Variants in RGS6 observed in about 807,000 individuals in gnomAD.
RGS6 encodes regulator of G-protein signaling 6.
In RGS6, 30 loss-of-function variants were observed where a neutral mutation model predicts 78.5. That is an observed-to-expected ratio of 0.38 (90% CI 0.29 to 0.52). The LOEUF is 0.52. Among genes scored for constraint, RGS6 ranks in the 20% least tolerant of loss-of-function variants. The probability of loss-of-function intolerance (pLI) is 0.85; values close to 1 mark genes in which losing one functional copy is unlikely to be tolerated. For synonymous variants in RGS6, 206 were observed against 206.0 expected, an observed-to-expected ratio of 1.00 and a Z score of 0.00; for missense variants, 495 against 609.7, an observed-to-expected ratio of 0.81 and a Z score of 1.98.
chr14:72,048,678 T>G (rs907395793), intron 2 of RGS6, among the ~76,000 whole-genome samples: 16 of 151,876 alleles, frequency 1.1e-4, no homozygotes, highest in Non-Finnish European at 2.2e-4. Context: ...AGCGACACTT[T>G]CTTTTTGCAG....
In RGS6 at chr14:72,308,774, A is replaced by G. The variant is rs77843827; in HGVS notation, c.85-43321A>G. Among the ~76,000 whole-genome samples the G allele has an allele frequency of 1.0e-2, 1,516 of 152,322 alleles. 22 individuals carry two copies. The highest frequency in any genetic ancestry group is 0.035 in the African/African-American group (1,436 of 41,566). On this transcript the variant is annotated intron_variant, in intron 2 of 17. Coordinates refer to ENST00000553525, the MANE Select transcript of RGS6 (RefSeq NM_001204424.2). Reference sequence around the variant, plus strand: ...TTGGCACTAGCCAAAAGGGGGTGCAATATTTACCTTTAAATTATTATAGAG... The same window carrying G: ...TTGGCACTAGCCAAAAGGGGGTGCAGTATTTACCTTTAAATTATTATAGAG...
At chr14:72,169,072 G>T (rs1243355766) in intron 2 of RGS6, among the ~76,000 whole-genome samples, 2 of 152,120 alleles carry the variant, frequency 1.3e-5, no homozygotes, top group East Asian at 1.9e-4. Context: ...AAGTAAAATT[G>T]TTCTGTATTG....
Position 72,537,309 on chromosome 14 carries a change from CTGTG to C in RGS6, c.1368+1037_1368+1040del, listed in dbSNP as rs565051113. On this transcript the variant is annotated intron_variant, in intron 16 of 17. Coordinates refer to ENST00000553525, the MANE Select transcript of RGS6 (RefSeq NM_001204424.2). ...CCTCTCAGCCACGCAAGCCTTCTCT[CTGTG>C]TGCTGTCACCCTCATGTGCCAGGAT... Among the ~76,000 whole-genome samples the C allele has an allele frequency of 5.9e-5, 9 of 152,364 alleles. No homozygotes were observed. The South Asian group carries it at 1.9e-3, about 32-fold the overall frequency.
chr14:72,566,589 A>G (rs2097711759), downstream of RGS6: 1 of 151,256 alleles, frequency 6.6e-6, no homozygotes, highest in South Asian at 2.1e-4. Context: ...ACCTCTAGAA[A>G]AATCGACCAC....
At chr14:72,299,003 G>A (rs1814804503) in intron 2 of RGS6, among the ~76,000 whole-genome samples, 1 of 152,042 alleles carries the variant, frequency 6.6e-6, no homozygotes, top group South Asian at 2.1e-4. Context: ...GGGTAATTTT[G>A]TTCTTTTCAG....
intron 2 of RGS6, among the ~76,000 whole-genome samples, chr14:72,201,320 C>T (rs1243550108): frequency 6.6e-6 from 1 of 152,176 alleles, no homozygotes; most frequent in African/African-American, 2.4e-5. Context: ...TGGGCACCTA[C>T]TATATGTCGA....
At chr14:72,137,108 G>A (rs2096456276) in intron 2 of RGS6, among the ~76,000 whole-genome samples, 1 of 152,106 alleles carries the variant, frequency 6.6e-6, no homozygotes, top group Admixed American at 6.5e-5. Context: ...GAAACGTGAG[G>A]AAATGTAGAG....
At chr14:72,052,362 A>G (rs1033122600) in intron 2 of RGS6, among the ~76,000 whole-genome samples, 2 of 152,236 alleles carry the variant, frequency 1.3e-5, no homozygotes, top group African/African-American at 4.8e-5. Context: ...AAGTGGTAGC[A>G]GGTCCTTACT....
intron 2 of RGS6, among the ~76,000 whole-genome samples, chr14:72,070,861 T>C (rs2094383881): frequency 6.6e-6 from 1 of 152,236 alleles, no homozygotes; most frequent in Non-Finnish European, 1.5e-5. Context: ...TATGTATGCA[T>C]GTGTATGAAT....
chr14:72,555,624 AAAGT>A (rs2153540941), intron 17 of RGS6, among the ~76,000 whole-genome samples: 1 of 152,320 alleles, frequency 6.6e-6, no homozygotes, highest in African/African-American at 2.4e-5. Context: ...AGCCATGTGC[AAAGT>A]AAGAGGGGCA....
At chr14:71,914,499 G>A in the RGS6 span, among the ~76,000 whole-genome samples, 4 of 152,152 alleles carry the variant, frequency 2.6e-5, no homozygotes, top group South Asian at 4.1e-4. Flanking sequence ...AAGAACTAAC[G>A]GATCTTAATT....
intron 2 of RGS6, among the ~76,000 whole-genome samples, chr14:72,166,034 T>TA (rs36135715): frequency 0.14 from 20,981 of 151,608 alleles, 1,716 homozygotes; most frequent in South Asian, 0.21. Flanking sequence ...CTGAATGTTG[T>TA]AAAATTTATC....
At chr14:72,597,688 CCAT>C in the RGS6 span, among the ~76,000 whole-genome samples, 1 of 152,176 alleles carries the variant, frequency 6.6e-6, no homozygotes, top group African/African-American at 2.4e-5. Context: ...TCAGGGTAAT[CCAT>C]CATCTCAAAC....
chr14:72,097,809 C>T (rs1391935803), intron 2 of RGS6, among the ~76,000 whole-genome samples: 1 of 152,164 alleles, frequency 6.6e-6, no homozygotes, highest in East Asian at 1.9e-4. Context: ...CTGTGCCTAT[C>T]ACTTTGTCTC....
At chr14:71,992,286 G>A (rs1273135188) in intron 2 of RGS6, among the ~76,000 whole-genome samples, 1 of 152,120 alleles carries the variant, frequency 6.6e-6, no homozygotes, top group African/African-American at 2.4e-5. Context: ...TCCCACCTTG[G>A]CCTCCCAAAG....
chr14:72,445,179 C>A (rs2095332677), intron 3 of RGS6, among the ~76,000 whole-genome samples: 1 of 152,150 alleles, frequency 6.6e-6, no homozygotes. Flanking sequence ...GTTGAGATTT[C>A]TCTGTTTTGT....
intron 2 of RGS6, among the ~76,000 whole-genome samples, chr14:72,285,295 C>T (rs368249934): frequency 4.6e-5 from 7 of 152,110 alleles, no homozygotes; most frequent in Admixed American, 6.5e-5. Context: ...TTGTAGCTCC[C>T]GTAGTTCCCA....
At chr14:72,582,678 T>C in the RGS6 span, among the ~76,000 whole-genome samples, 1 of 152,104 alleles carries the variant, frequency 6.6e-6, no homozygotes, top group Admixed American at 6.5e-5. Context: ...GTTCTGTGAG[T>C]CTTATCACCG....
At chr14:72,313,384 C>T (rs1465333028) in intron 2 of RGS6, among the ~76,000 whole-genome samples, 1 of 152,274 alleles carries the variant, frequency 6.6e-6, no homozygotes. Context: ...CCCACCCTGG[C>T]CACTGATCCC....
Sources: allele counts gnomAD v4.1 joint callset (sites outside exome capture counted in the v4.1 genomes callset), GRCh38; gene constraint gnomAD v4.1.1; transcripts MANE v1.5; gene names NCBI Gene and HGNC (gene_info 2026-07-23, HGNC 2026-07-21).